PRDM16: variants seen among roughly 807,000 people sequenced by gnomAD.
The protein encoded by PRDM16 is PR/SET domain 16.
PRDM16 carries 23 observed loss-of-function variants against 110.6 expected under a neutral mutation model. That is an observed-to-expected ratio of 0.21 (90% CI 0.15 to 0.29). The LOEUF (loss-of-function observed/expected upper bound fraction) is 0.29, where lower values mean the gene tolerates loss of function less well. Among genes scored for constraint, PRDM16 ranks in the 10% least tolerant of loss-of-function variants. PRDM16 has a pLI of 1.00. For synonymous variants in PRDM16, 799 were observed against 781.8 expected, an observed-to-expected ratio of 1.02 and a Z score of -0.37; for missense variants, 1,615 against 1,794.3, an observed-to-expected ratio of 0.90 and a Z score of 1.81.
rs988991887 is a variant in PRDM16 at position 3,081,257 on chromosome 1, G to A, written c.37+11961G>A. ...CTTGGGTTCGAGGCCCCTCGCGGCT[G>A]TACCCCGAGTCCCCCGTGCTGGCAC... is the stretch of plus-strand genomic sequence containing the variant. On this transcript the variant is annotated intron_variant, in intron 1 of 16. Coordinates refer to ENST00000270722, the MANE Select transcript of PRDM16 (RefSeq NM_022114.4). This position sits in a 1 kb window ranked among gnomAD's most constrained non-coding sequence, Gnocchi z 4.6. 6.6e-6 allele frequency among the ~76,000 whole-genome samples: 1 copy of A among 152,242 alleles called. No individual in the cohort carries two copies. The highest frequency in any genetic ancestry group is 6.5e-5 in the Admixed American group (1 of 15,288).
chr1:3,431,249 A>C (rs1638759986), intron 15 of PRDM16, 141 bp downstream of exon 15: 2 of 1,374,314 alleles, frequency 1.5e-6, no homozygotes, highest in South Asian at 1.4e-5. Context: ...GGGCCTCCAC[A>C]CACAGGCCAG....
intron 2 of PRDM16, among the ~76,000 whole-genome samples, chr1:3,216,895 C>T (rs988602628): frequency 6.6e-6 from 1 of 152,252 alleles, no homozygotes; most frequent in South Asian, 2.1e-4. Context: ...TCTTCCTCAG[C>T]CTCCCAGGCT....
chr1:3,245,951 A>G lies in PRDM16; in HGVS notation c.438+1814A>G, dbSNP rs767850273. Among the ~76,000 whole-genome samples, 73 of 152,282 alleles carry G rather than the reference A, an allele frequency of 4.8e-4. No homozygotes were observed. The highest frequency in any genetic ancestry group is 1.7e-3 in the African/African-American group (70 of 41,562). Reference sequence around the variant, plus strand: ...CCCTCCTTGGCTGCGCCTCTCCTGAATGCCTCATGGAGGTGGCCTGGCAGG... The same window carrying G: ...CCCTCCTTGGCTGCGCCTCTCCTGAGTGCCTCATGGAGGTGGCCTGGCAGG... On this transcript the variant is annotated intron_variant, in intron 3 of 16. Coordinates refer to ENST00000270722, the MANE Select transcript of PRDM16 (RefSeq NM_022114.4). This position sits in a 1 kb window ranked among gnomAD's most constrained non-coding sequence, Gnocchi z 4.7.
At chr1:3,385,394 G>A (rs1193970100) in intron 4 of PRDM16, 108 bp downstream of exon 4, 1 of 1,251,212 alleles carries the variant, frequency 8.0e-7, no homozygotes, top group African/African-American at 1.5e-5. Flanking sequence ...AGCCTCTTTG[G>A]GGACATCTGC....
chr1:3,284,303 T>G (rs1640799885), intron 3 of PRDM16, among the ~76,000 whole-genome samples: 1 of 152,348 alleles, frequency 6.6e-6, no homozygotes, highest in South Asian at 2.1e-4. Context: ...CTGTCTGGCT[T>G]TTTATGTAAA....
intron 1 of PRDM16, among the ~76,000 whole-genome samples, chr1:3,102,856 T>C (rs1413080846): frequency 1.3e-5 from 2 of 152,228 alleles, no homozygotes. Context: ...CCAGAGCAGA[T>C]GCTCAGGTGG....
intron 1 of PRDM16, among the ~76,000 whole-genome samples, chr1:3,163,698 G>A (rs548372003): frequency 4.7e-4 from 72 of 152,234 alleles, no homozygotes; most frequent in African/African-American, 1.6e-3. Flanking sequence ...TGGGGCTGCC[G>A]GCATCTTTGG....
chr1:3,366,132 G>C (rs980653035), intron 3 of PRDM16, among the ~76,000 whole-genome samples: 8 of 152,230 alleles, frequency 5.3e-5, no homozygotes, highest in African/African-American at 1.4e-4. Context: ...TGTGGCTCAG[G>C]GGGGCTCTAG....
chr1:3,262,805 G>A (rs970199000), intron 3 of PRDM16, among the ~76,000 whole-genome samples: 2 of 152,198 alleles, frequency 1.3e-5, no homozygotes, highest in Non-Finnish European at 2.9e-5. Flanking sequence ...GTGCTGCCAC[G>A]ATGGTGCTGG....
At chr1:3,295,969 A>C (rs1229826721) in intron 3 of PRDM16, among the ~76,000 whole-genome samples, 1 of 152,082 alleles carries the variant, frequency 6.6e-6, no homozygotes, top group Non-Finnish European at 1.5e-5. Context: ...GAGCTTGTGC[A>C]GTGGAATGTT....
chr1:3,107,561 G>T (rs1367002054), intron 1 of PRDM16, among the ~76,000 whole-genome samples: 1 of 152,206 alleles, frequency 6.6e-6, no homozygotes, highest in East Asian at 1.9e-4. Context: ...TCTCAGAGTA[G>T]CTGCTGGTTA....
rs1642026047 is a variant in PRDM16, at chr1:3,081,421, C to T, written c.37+12125C>T. Reference sequence around the variant, plus strand: ...GGCCCATTCCTGCAGCCTGGCCCGGCCGGCCCCTGGAGAGCCCCCTCCTTG... The same window carrying T: ...GGCCCATTCCTGCAGCCTGGCCCGGTCGGCCCCTGGAGAGCCCCCTCCTTG... On this transcript the variant is annotated intron_variant, in intron 1 of 16. Transcript: ENST00000270722. The surrounding 1 kb of genome is among the most constrained non-coding windows in gnomAD (Gnocchi z 4.6). 6.6e-6 allele frequency among the ~76,000 whole-genome samples: 1 copy of T among 152,196 alleles called. No individual in the cohort carries two copies. Among genetic ancestry groups the T allele is most frequent in the African/African-American group, 2.4e-5 (1 of 41,458 alleles).
At chr1:3,109,425 C>T (rs1334797728) in intron 1 of PRDM16, among the ~76,000 whole-genome samples, 4 of 152,168 alleles carry the variant, frequency 2.6e-5, no homozygotes, top group Non-Finnish European at 5.9e-5. Context: ...CAGGCTGAGG[C>T]TCTCTCTCCT....
intron 3 of PRDM16, among the ~76,000 whole-genome samples, chr1:3,276,030 C>T (rs141980535): frequency 9.2e-5 from 14 of 152,342 alleles, no homozygotes; most frequent in Non-Finnish European, 1.5e-4. Flanking sequence ...GTGCCATTTC[C>T]GCTCTGCCGG....
intron 3 of PRDM16, among the ~76,000 whole-genome samples, chr1:3,327,019 G>A (rs1191105500): frequency 6.6e-6 from 1 of 152,250 alleles, no homozygotes; most frequent in African/African-American, 2.4e-5. Flanking sequence ...GGGGCTGGGT[G>A]GACCTCAGAC....
intron 1 of PRDM16, among the ~76,000 whole-genome samples, chr1:3,161,241 G>A (rs1424684043): frequency 6.6e-6 from 1 of 152,048 alleles, no homozygotes; most frequent in Non-Finnish European, 1.5e-5. Context: ...GAGCGCTTCG[G>A]CTCTCACCAG....
At chr1:3,128,066 TCCTCC>T (rs1194797244) in intron 1 of PRDM16, 1 of 154,748 alleles carries the variant, frequency 6.5e-6, no homozygotes, top group East Asian at 1.9e-4. Context: ...TATGAAAATC[TCCTCC>T]CCTCCCCCGT....
In PRDM16 at chr1:3,201,968, G is replaced by A. The variant is rs541519431; in HGVS notation, c.387+15494G>A. 9.8e-5 allele frequency among the ~76,000 whole-genome samples: 15 copies of A among 152,288 alleles called. No individual in the cohort carries two copies. In the South Asian group the frequency reaches 1.0e-3, roughly 11 times the overall value. ...TAGGTTTCTTGCTTCAGTGGTGCCCGTACATAATAGTGGGTCCCACACGTC... is the reference window on the plus strand; with the variant it reads ...TAGGTTTCTTGCTTCAGTGGTGCCCATACATAATAGTGGGTCCCACACGTC... On this transcript the variant is annotated intron_variant, in intron 2 of 16. Coordinates refer to ENST00000270722, the MANE Select transcript of PRDM16 (RefSeq NM_022114.4). This position sits in a 1 kb window ranked among gnomAD's most constrained non-coding sequence, Gnocchi z 4.1.
intron 2 of PRDM16, among the ~76,000 whole-genome samples, chr1:3,197,628 G>A (rs1006870886): frequency 2.0e-5 from 3 of 152,240 alleles, no homozygotes; most frequent in Admixed American, 1.3e-4. Flanking sequence ...GATCATTTGC[G>A]CTTGAGATCT....
Sources: gnomAD v4.1 joint callset for allele counts (sites outside exome capture counted in the v4.1 genomes callset) on GRCh38, gnomAD v4.1.1 for gene constraint, Gnocchi (gnomAD v3.1) non-coding constraint, MANE v1.5 for transcripts, NCBI Gene and HGNC (gene_info 2026-07-23, HGNC 2026-07-21) for gene names.